DRC2: variants seen among roughly 807,000 people sequenced by gnomAD.
DRC2 encodes coiled-coil domain containing 65.
chr12:48,914,649 A>C, the DRC2 span: 3 of 1,386,048 alleles, frequency 2.2e-6, no homozygotes, highest in Non-Finnish European at 3.0e-6. Flanking sequence ...GTTGCCTGTA[A>C]GCAAGTGGCT....
At chr12:48,904,364 ACGCCCC>A in the DRC2 span, 6 of 1,613,880 alleles carry the variant, frequency 3.7e-6, no homozygotes, top group Non-Finnish European at 5.1e-6. Flanking sequence ...AATGGCCAAG[ACGCCCC>A]TGTCCGATGA....
the DRC2 span, chr12:48,904,436 A>G: frequency 6.2e-7 from 1 of 1,613,966 alleles, no homozygotes; most frequent in Non-Finnish European, 8.5e-7. Context: ...GATGGCCAAA[A>G]AGAAGGAGAG....
At chr12:48,906,015 C>T in the DRC2 span, among the ~76,000 whole-genome samples, 1 of 152,164 alleles carries the variant, frequency 6.6e-6, no homozygotes, top group African/African-American at 2.4e-5. Flanking sequence ...TTGTGACCCA[C>T]CCGCCTTGGC....
the DRC2 span, among the ~76,000 whole-genome samples, chr12:48,915,625 G>A: frequency 1.4e-4 from 22 of 152,040 alleles, no homozygotes; most frequent in African/African-American, 5.1e-4. Context: ...TGAGCTGTTG[G>A]GCACACCTCC....
At chr12:48,907,300 G>T in the DRC2 span, among the ~76,000 whole-genome samples, 1 of 152,214 alleles carries the variant, frequency 6.6e-6, no homozygotes, top group Non-Finnish European at 1.5e-5. Context: ...TGCTAAGTTT[G>T]TGGGAGTTAT....
chr12:48,912,437 C>CGAAAAAAAA, the DRC2 span, among the ~76,000 whole-genome samples: 1 of 45,356 alleles, frequency 2.2e-5, no homozygotes, highest in Non-Finnish European at 3.7e-5. Context: ...GACGCCGTCT[C>CGAAAAAAAA]AAAAAAAAAA....
the DRC2 span, among the ~76,000 whole-genome samples, chr12:48,906,315 T>TC: frequency 1.6e-4 from 24 of 151,658 alleles, no homozygotes; most frequent in African/African-American, 4.6e-4. Flanking sequence ...TTTTTTTTTT[T>TC]TTTTTGAGGC....
At chr12:48,904,848 G>A in the DRC2 span, 2 of 1,068,644 alleles carry the variant, frequency 1.9e-6, no homozygotes, top group Non-Finnish European at 2.7e-6. Context: ...CGTTCCCATC[G>A]AAAAGGGGTA....
At chr12:48,918,892 A>G in the DRC2 span, 1 of 1,612,378 alleles carries the variant, frequency 6.2e-7, no homozygotes, top group Non-Finnish European at 8.5e-7. Context: ...CCTGAGAAAG[A>G]TTGTTGATAA....
At chr12:48,905,213 G>A in the DRC2 span, 1 of 1,073,600 alleles carries the variant, frequency 9.3e-7, no homozygotes, top group Admixed American at 2.5e-5. Flanking sequence ...GACACAGGCT[G>A]TGAGAAAGCC....
chr12:48,906,615 G>A, the DRC2 span, among the ~76,000 whole-genome samples: 2 of 151,098 alleles, frequency 1.3e-5, no homozygotes, highest in Non-Finnish European at 2.9e-5. Flanking sequence ...CACCAGGCTG[G>A]AGTACAGTGG....
chr12:48,916,444 A>G, the DRC2 span, among the ~76,000 whole-genome samples: 1 of 151,942 alleles, frequency 6.6e-6, no homozygotes, highest in East Asian at 1.9e-4. Flanking sequence ...CCAAAAAAAT[A>G]CGAAAACCAG....
At chr12:48,918,751 T>A in the DRC2 span, 1 of 1,613,524 alleles carries the variant, frequency 6.2e-7, no homozygotes, top group Admixed American at 1.7e-5. Flanking sequence ...TGAGAACCGG[T>A]ATATCCGTAA....
chr12:48,914,400 C>T, the DRC2 span: 3 of 1,597,452 alleles, frequency 1.9e-6, no homozygotes, highest in African/African-American at 2.7e-5. Context: ...TCTTTCTGGC[C>T]TAGTCTTTAG....
At chr12:48,912,165 G>T in the DRC2 span, among the ~76,000 whole-genome samples, 14 of 152,100 alleles carry the variant, frequency 9.2e-5, no homozygotes, top group Non-Finnish European at 1.8e-4. Flanking sequence ...GGAGGCTGAG[G>T]CAGGAGAATC....
the DRC2 span, chr12:48,918,115 ATATT>A: frequency 1.5e-6 from 1 of 651,424 alleles, no homozygotes; most frequent in Non-Finnish European, 2.6e-6. Context: ...CCCACAAAAC[ATATT>A]TATATCATCT....
the DRC2 span, among the ~76,000 whole-genome samples, chr12:48,919,805 C>T: frequency 1.3e-5 from 2 of 151,928 alleles, no homozygotes; most frequent in Non-Finnish European, 2.9e-5. Flanking sequence ...CGTGAGCCAC[C>T]GCGTCTGGTC....
At chr12:48,918,661 C>T in the DRC2 span, 5 of 1,604,068 alleles carry the variant, frequency 3.1e-6, no homozygotes, top group Non-Finnish European at 4.3e-6. Flanking sequence ...AGTAGATTTC[C>T]CCTAATCTAC....
At chr12:48,921,402 C>T in the DRC2 span, 107 of 1,613,240 alleles carry the variant, frequency 6.6e-5, no homozygotes, top group South Asian at 7.5e-4. Context: ...CTTGTCCATA[C>T]GTATAGCCCA....
Sources: allele counts gnomAD v4.1 joint callset (sites outside exome capture counted in the v4.1 genomes callset), GRCh38; gene constraint gnomAD v4.1.1; transcripts MANE v1.5; gene names NCBI Gene and HGNC (gene_info 2026-07-23, HGNC 2026-07-21).